Variants in ATRNL1 observed in about 807,000 individuals in gnomAD.
The protein encoded by ATRNL1 is attractin like 1, also known as attractin-like protein 1.
ATRNL1 carries 95 observed loss-of-function variants against 182.7 expected under a neutral mutation model. The observed-to-expected ratio is 0.52, with a 90% CI of 0.44 to 0.62. The LOEUF (loss-of-function observed/expected upper bound fraction) is 0.62. Ranked by LOEUF, ATRNL1 falls within the 20% of genes least tolerant of loss-of-function variation. The pLI, the probability that ATRNL1 is intolerant of heterozygous loss-of-function variation, is 0.00. For missense variants in ATRNL1, 1,471 were observed against 1,679.5 expected, an observed-to-expected ratio of 0.88 and a Z score of 2.17; for synonymous variants, 576 against 568.3, an observed-to-expected ratio of 1.01 and a Z score of -0.19.
intron 8 of ATRNL1, among the ~76,000 whole-genome samples, chr10:115,179,413 A>G (rs1554887488): frequency 6.6e-6 from 1 of 152,024 alleles, no homozygotes; most frequent in East Asian, 1.9e-4. Context: ...GTGTCCTCAT[A>G]TAGCTATTTT....
intron 15 of ATRNL1, among the ~76,000 whole-genome samples, chr10:115,295,530 C>T (rs538367239): frequency 6.6e-6 from 1 of 152,108 alleles, no homozygotes; most frequent in East Asian, 1.9e-4. Flanking sequence ...GGCTTTTAGG[C>T]AGGCCAAGGG....
chr10:115,591,050 A>G (rs10509991), intron 26 of ATRNL1, among the ~76,000 whole-genome samples: 61,422 of 152,122 alleles, frequency 0.4, 13,250 homozygotes, highest in Middle Eastern at 0.5. Context: ...GTCTGAAACT[A>G]TGAAAGGTTC....
chr10:115,597,620 T>TGGC, intron 26 of ATRNL1: 1 of 418,202 alleles, frequency 2.4e-6, no homozygotes, highest in South Asian at 1.7e-5. Flanking sequence ...TCACCCAGGC[T>TGGC]GGCGTGCAGT....
chr10:115,256,018 G>A lies in ATRNL1; in HGVS notation c.1688-9175G>A, dbSNP rs113807522. Among the ~76,000 whole-genome samples, 125 of 152,236 alleles carry A rather than the reference G, an allele frequency of 8.2e-4. 2 individuals are homozygous for A. The South Asian group carries it at 0.021, about 25-fold the overall frequency. ...GATCGTGGTGGATAAGCTTTTTGAT[G>A]TGCTGATGGATTTGGTTTGCCAGTA... On this transcript the variant is annotated intron_variant, in intron 10 of 28. Transcript: ENST00000355044.
Position 115,511,217 on chromosome 10 carries a change from C to G in ATRNL1, c.3655-8046C>G, listed in dbSNP as rs139429641. On this transcript the variant is annotated intron_variant, in intron 24 of 28. Coordinates refer to ENST00000355044, the MANE Select transcript of ATRNL1 (RefSeq NM_207303.4). ...TATACATTATTATTGTATTAATTAT[C>G]TGTTGAAAGTTTATATGGAATAGAT... Among the ~76,000 whole-genome samples the G allele has an allele frequency of 8.4e-3, 1,276 of 151,794 alleles. 17 individuals carry two copies. Among genetic ancestry groups the G allele is most frequent in the African/African-American group, 0.029 (1,216 of 41,464 alleles).
At chr10:115,096,791 T>G in intron 1 of ATRNL1, 2 of 1,230,624 alleles carry the variant, frequency 1.6e-6, no homozygotes, top group African/African-American at 3.1e-5. Flanking sequence ...TGTTTCCATT[T>G]GAAAAGAATA....
chr10:115,482,953 G>C (rs1187016520), intron 24 of ATRNL1, among the ~76,000 whole-genome samples: 1 of 151,346 alleles, frequency 6.6e-6, no homozygotes, highest in African/African-American at 2.4e-5. Flanking sequence ...GTAAGAAAGA[G>C]TAGGGGATAA....
chr10:115,498,840 A>T (rs1416386415), intron 24 of ATRNL1, among the ~76,000 whole-genome samples: 4 of 152,004 alleles, frequency 2.6e-5, no homozygotes, highest in Non-Finnish European at 5.9e-5. Context: ...CTTTACTCTT[A>T]GACTGTTGGA....
At chr10:115,566,941 A>T (rs1181546222) in intron 26 of ATRNL1, among the ~76,000 whole-genome samples, 1 of 152,150 alleles carries the variant, frequency 6.6e-6, no homozygotes, top group Non-Finnish European at 1.5e-5. Context: ...TTAATGGCAT[A>T]CTTATTGATG....
At chr10:115,141,555 C>T (rs116462575) in intron 5 of ATRNL1, among the ~76,000 whole-genome samples, 1,785 of 152,202 alleles carry the variant, frequency 0.012, 33 homozygotes, top group African/African-American at 0.04. Context: ...ACTTTCAACT[C>T]AAACTCATGA....
intron 5 of ATRNL1, among the ~76,000 whole-genome samples, chr10:115,134,417 A>G (rs1554876096): frequency 6.6e-6 from 1 of 152,236 alleles, no homozygotes; most frequent in Non-Finnish European, 1.5e-5. Context: ...ACCTCTATGC[A>G]AATGAACTAG....
chr10:115,327,476 A>C (rs28847623), intron 18 of ATRNL1, among the ~76,000 whole-genome samples: 1,895 of 151,364 alleles, frequency 0.013, 28 homozygotes, highest in African/African-American at 0.042. Flanking sequence ...GAACACTTTT[A>C]CACTGTTGGT....
At chr10:115,271,384 T>A (rs1554912990) in intron 13 of ATRNL1, among the ~76,000 whole-genome samples, 1 of 152,120 alleles carries the variant, frequency 6.6e-6, no homozygotes, top group African/African-American at 2.4e-5. Flanking sequence ...GCTGCACTCA[T>A]TAATTCGTCA....
At chr10:115,745,826 G>A (rs772754529) in intron 27 of ATRNL1, among the ~76,000 whole-genome samples, 6 of 152,014 alleles carry the variant, frequency 3.9e-5, no homozygotes, top group Admixed American at 3.9e-4. Flanking sequence ...ATCTTCAAAC[G>A]TTAGTTTTCC....
chr10:115,591,788 C>A (rs1023810011), intron 26 of ATRNL1, among the ~76,000 whole-genome samples: 1 of 152,124 alleles, frequency 6.6e-6, no homozygotes, highest in Admixed American at 6.6e-5. Flanking sequence ...TTACAACTAC[C>A]ATTTGATGAT....
At position 115,540,687 on chromosome 10, in the gene ATRNL1, G is replaced by A. The variant is rs890638513; in HGVS notation, c.3717-8771G>A. Among the ~76,000 whole-genome samples the A allele has an allele frequency of 3.3e-5, 5 of 151,654 alleles. No individual in the cohort carries two copies. The South Asian group carries it at 1.0e-3, about 32-fold the overall frequency. ...AGGCAGAATTGCTTGAACCCAGGAG[G>A]CGGAGGTTGCAGTGAACTAAGATCA... On this transcript the variant is annotated intron_variant, in intron 25 of 28. Transcript: ENST00000355044.
chr10:115,307,952 A>T (rs1853818502), intron 17 of ATRNL1, among the ~76,000 whole-genome samples: 1 of 152,006 alleles, frequency 6.6e-6, no homozygotes, highest in Non-Finnish European at 1.5e-5. Flanking sequence ...CTACACGTCT[A>T]TTCATTTAAC....
At chr10:115,791,899 T>G (rs1343133422) in intron 27 of ATRNL1, among the ~76,000 whole-genome samples, 4 of 152,190 alleles carry the variant, frequency 2.6e-5, no homozygotes, top group Non-Finnish European at 4.4e-5. Flanking sequence ...TGAAACAAAT[T>G]TAAATAGTTA....
intron 26 of ATRNL1, among the ~76,000 whole-genome samples, chr10:115,645,861 C>A (rs572691177): frequency 1.9e-4 from 29 of 152,002 alleles, no homozygotes; most frequent in Non-Finnish European, 4.0e-4. Context: ...AAGTAGAAAG[C>A]TAAAGTGTTG....
Sources: allele counts gnomAD v4.1 joint callset (sites outside exome capture counted in the v4.1 genomes callset), GRCh38; gene constraint gnomAD v4.1.1; transcripts MANE v1.5; gene names NCBI Gene and HGNC (gene_info 2026-07-23, HGNC 2026-07-21).